MTPN: variants seen among roughly 807,000 people sequenced by gnomAD.
MTPN encodes the protein myotrophin.
Under a neutral mutation model 13.5 loss-of-function variants are expected in MTPN, and 2 were observed. The ratio of observed to expected loss-of-function variants is 0.15; its 90% CI spans 0.06 to 0.47. MTPN has a LOEUF of 0.47. MTPN is among the 20% of genes least tolerant of loss of function. The pLI is 0.97. For missense variants in MTPN, 79 were observed against 137.9 expected (o/e 0.57, Z 2.14); for synonymous variants, 46 against 51.7 (o/e 0.89, Z 0.48).
intron 3 of MTPN, among the ~76,000 whole-genome samples, chr7:135,936,384 C>T (rs2116347603): frequency 6.6e-6 from 1 of 152,282 alleles, no homozygotes; most frequent in Non-Finnish European, 1.5e-5. Flanking sequence ...ACTGGGGAGG[C>T]TGAGGCAGAA....
chr7:135,962,250 GATTA>G (rs971493958), intron 1 of MTPN, among the ~76,000 whole-genome samples: 6 of 151,574 alleles, frequency 4.0e-5, no homozygotes, highest in African/African-American at 1.5e-4. Context: ...AATTAGATTA[GATTA>G]ATTGGGATTA....
intron 3 of MTPN, among the ~76,000 whole-genome samples, chr7:135,939,580 G>GGT: frequency 9.3e-6 from 1 of 107,246 alleles, no homozygotes; most frequent in Middle Eastern, 4.3e-3. Flanking sequence ...TGGGGGCGGG[G>GGT]GGGGGGGGCG....
intron 1 of MTPN, among the ~76,000 whole-genome samples, chr7:135,972,243 A>T (rs928943789): frequency 2.2e-5 from 3 of 133,482 alleles, no homozygotes; most frequent in African/African-American, 8.0e-5. Context: ...ACACACACAC[A>T]CACACACACA....
chr7:135,974,802 T>C (rs1799748003), intron 1 of MTPN, among the ~76,000 whole-genome samples: 1 of 152,104 alleles, frequency 6.6e-6, no homozygotes, highest in Non-Finnish European at 1.5e-5. Context: ...TGTGAGTCAA[T>C]AAATAAGCAG....
At chr7:135,963,617 T>A (rs1799560345) in intron 1 of MTPN, among the ~76,000 whole-genome samples, 1 of 152,086 alleles carries the variant, frequency 6.6e-6, no homozygotes, top group African/African-American at 2.4e-5. Context: ...ACATATTTTC[T>A]GAAATGTTAA....
At chr7:135,953,563 G>A (rs1799396546) in intron 1 of MTPN, among the ~76,000 whole-genome samples, 1 of 152,070 alleles carries the variant, frequency 6.6e-6, no homozygotes, top group South Asian at 2.1e-4. Context: ...ACAGAAATAC[G>A]GTTAGCTATT....
rs757361865 is a variant in MTPN, at chr7:135,927,616, C to T, written c.*2310G>A. 3.0e-6 allele frequency: 2 copies of T among 669,422 alleles called. No individual in the cohort carries two copies. The highest frequency in any genetic ancestry group is 3.2e-5 in the South Asian group (2 of 62,598). 41.5% of individuals were successfully genotyped at this position (669,422 alleles called of 1,614,324 possible). A position where few individuals can be genotyped will look rare whatever the true frequency, so the allele number is the denominator to read the frequency against. On this transcript the variant is annotated 3_prime_UTR_variant, in exon 4 of 4. Coordinates refer to ENST00000393085, the MANE Select transcript of MTPN (RefSeq NM_145808.4). ...ACATTAAGTGTTGTGAATTTGTCTG[C>T]CAAGTGGTTCAGAAATACATTATAA...
intron 3 of MTPN, among the ~76,000 whole-genome samples, chr7:135,933,663 A>G (rs1799064753): frequency 6.6e-6 from 1 of 152,174 alleles, no homozygotes; most frequent in African/African-American, 2.4e-5. Flanking sequence ...CCAATATTGC[A>G]ACCCTATGCA....
At chr7:135,945,065 G>T (rs953427905) in intron 3 of MTPN, among the ~76,000 whole-genome samples, 4 of 152,146 alleles carry the variant, frequency 2.6e-5, no homozygotes, top group African/African-American at 9.7e-5. Context: ...TAACACGATG[G>T]TAAGTATTTG....
intron 1 of MTPN, among the ~76,000 whole-genome samples, chr7:135,971,163 C>T (rs888815454): frequency 2.0e-5 from 3 of 151,916 alleles, no homozygotes; most frequent in Admixed American, 1.3e-4. Context: ...AGAGTGTCAA[C>T]GGCAGATGTA....
chr7:135,937,144 A>G (rs1425797294), intron 3 of MTPN, among the ~76,000 whole-genome samples: 1 of 152,214 alleles, frequency 6.6e-6, no homozygotes, highest in Admixed American at 6.5e-5. Context: ...AAACTGGATT[A>G]GTAACATTTT....
chr7:135,957,045 T>C (rs1302175529), intron 1 of MTPN, among the ~76,000 whole-genome samples: 1 of 152,206 alleles, frequency 6.6e-6, no homozygotes, highest in Non-Finnish European at 1.5e-5. Flanking sequence ...CTTAAAACTC[T>C]TTCTTTTCAT....
intron 3 of MTPN, among the ~76,000 whole-genome samples, chr7:135,945,045 T>C (rs1799270913): frequency 6.6e-6 from 1 of 152,218 alleles, no homozygotes; most frequent in African/African-American, 2.4e-5. Context: ...CTGAATATTA[T>C]AGGCAGCTGT....
intron 3 of MTPN, among the ~76,000 whole-genome samples, chr7:135,949,280 A>G (rs991624664): frequency 2.6e-5 from 4 of 152,184 alleles, no homozygotes; most frequent in Non-Finnish European, 4.4e-5. Flanking sequence ...TTTCCCAGGG[A>G]TGAAATTATC....
intron 1 of MTPN, among the ~76,000 whole-genome samples, chr7:135,971,292 C>T (rs1265916539): frequency 6.6e-6 from 1 of 152,026 alleles, no homozygotes; most frequent in Non-Finnish European, 1.5e-5. Flanking sequence ...ATGTATCAGA[C>T]CTGCTGAAGA....
rs148056245 is a variant in MTPN at position 135,958,939 on chromosome 7, A to G, written c.73-7309T>C. On this transcript the variant is annotated intron_variant, in intron 1 of 3. Coordinates refer to ENST00000393085, the MANE Select transcript of MTPN (RefSeq NM_145808.4). ...AACTTCAAAGAAAGGAAATTAGTAC[A>G]GCATGATTTCTAACCGATCCCCTGA... is the stretch of plus-strand genomic sequence containing the variant. Among the ~76,000 whole-genome samples, 119 of 152,302 alleles carry G rather than the reference A, an allele frequency of 7.8e-4. 1 individual carries two copies. The East Asian group carries it at 0.015, about 19-fold the overall frequency.
chr7:135,967,345 A>G (rs530596101), intron 1 of MTPN, among the ~76,000 whole-genome samples: 1 of 152,274 alleles, frequency 6.6e-6, no homozygotes, highest in African/African-American at 2.4e-5. Flanking sequence ...CAAAACAGAC[A>G]TGAATATAAA....
At chr7:135,934,757 A>G (rs563710103) in intron 3 of MTPN, among the ~76,000 whole-genome samples, 163 of 152,274 alleles carry the variant, frequency 1.1e-3, no homozygotes, top group African/African-American at 3.8e-3. Flanking sequence ...CCTAACTCTC[A>G]AGACAGTATT....
chr7:135,958,642 C>T (rs1584815541), intron 1 of MTPN, among the ~76,000 whole-genome samples: 1 of 152,188 alleles, frequency 6.6e-6, no homozygotes, highest in Non-Finnish European at 1.5e-5. Context: ...CTCTTGCAGA[C>T]ACATGGCACA....
Sources: gnomAD v4.1 joint callset for allele counts (sites outside exome capture counted in the v4.1 genomes callset) on GRCh38, gnomAD v4.1.1 for gene constraint, MANE v1.5 for transcripts, NCBI Gene and HGNC (gene_info 2026-07-23, HGNC 2026-07-21) for gene names.